Variants in ASTN1 observed in about 807,000 individuals in gnomAD.
The protein encoded by ASTN1 is astrotactin 1.
A neutral mutation model predicts 140.7 loss-of-function variants in ASTN1; 41 were observed. The observed-to-expected ratio is 0.29, with a 90% CI of 0.23 to 0.38. The LOEUF (loss-of-function observed/expected upper bound fraction) is 0.38. Ranked by LOEUF, ASTN1 falls within the 10% of genes least tolerant of loss-of-function variation. The probability of loss-of-function intolerance (pLI) is 1.00; values close to 1 mark genes in which losing one functional copy is unlikely to be tolerated. For missense variants in ASTN1, 1,479 were observed against 1,678.8 expected, an observed-to-expected ratio of 0.88 and a Z score of 2.08; for synonymous variants, 640 against 652.2, an observed-to-expected ratio of 0.98 and a Z score of 0.29.
chr1:176,893,170 G>A (rs546389230), intron 17 of ASTN1, among the ~76,000 whole-genome samples: 9 of 152,106 alleles, frequency 5.9e-5, no homozygotes, highest in Non-Finnish European at 1.0e-4. Flanking sequence ...AGCTCTGCAC[G>A]CCCTGTTGCA....
intron 1 of ASTN1, among the ~76,000 whole-genome samples, chr1:177,162,007 G>A (rs150730729): frequency 6.0e-4 from 92 of 152,174 alleles, no homozygotes; most frequent in African/African-American, 2.0e-3. Context: ...TCTGAGTGCT[G>A]AGCAGGTACA....
At chr1:176,859,005 A>C (rs1369055961), downstream of ASTN1, among the ~76,000 whole-genome samples, 1 of 152,246 alleles carries the variant, frequency 6.6e-6, no homozygotes, top group Non-Finnish European at 1.5e-5. Context: ...CAGACTTGCA[A>C]TGAAGATTGA....
At position 177,061,118 on chromosome 1, in the gene ASTN1, G is replaced by A. The variant is rs773311364; in HGVS notation, c.431C>T (p.Ser144Leu). ...GAGGATCCTCAGCTCCTCTTCTGCC[G>A]ACTCATGTTGGGGTTCTTCAGTGGG... is the stretch of plus-strand genomic sequence containing the variant. ...QDPTEEPQHE[S>L]AEEELRILHI... The change falls in exon 2 of 23, where the codon TCG (serine) becomes TTG (leucine). Residue 144 changes from serine (S) to leucine (L), a missense_variant. Around this residue, in one of 3 missense-constraint regions of ASTN1, gnomAD observed 729 missense variants for 860.4 expected, o/e 0.85. Transcript: ENST00000361833. 42 of 1,610,506 alleles carry A rather than the reference G, an allele frequency of 2.6e-5. No homozygotes were observed. The highest frequency in any genetic ancestry group is 1.9e-4 in the African/African-American group (14 of 74,784).
intron 8 of ASTN1, among the ~76,000 whole-genome samples, chr1:176,974,734 T>A (rs1454099129): frequency 6.6e-6 from 1 of 152,214 alleles, no homozygotes; most frequent in Admixed American, 6.5e-5. Flanking sequence ...CTGGTAATAG[T>A]GAACAAAATG....
chr1:176,991,718 A>G (rs1674186299), intron 8 of ASTN1, among the ~76,000 whole-genome samples: 2 of 152,208 alleles, frequency 1.3e-5, no homozygotes, highest in African/African-American at 4.8e-5. Flanking sequence ...ATTTTAGAAG[A>G]ATAGGTTTCA....
chr1:176,927,704 G>A (rs1009314741), intron 16 of ASTN1, among the ~76,000 whole-genome samples: 4 of 152,140 alleles, frequency 2.6e-5, no homozygotes, highest in Non-Finnish European at 5.9e-5. Context: ...TTAACAAGAC[G>A]TGGTCATATC....
intron 8 of ASTN1, among the ~76,000 whole-genome samples, chr1:176,982,840 G>A (rs184235066): frequency 2.0e-5 from 3 of 152,282 alleles, no homozygotes; most frequent in Non-Finnish European, 2.9e-5. Flanking sequence ...AAGACCTAGC[G>A]TGAGCCTTCA....
chr1:176,915,837 A>AC (rs1356339543), intron 16 of ASTN1, among the ~76,000 whole-genome samples: 1 of 152,184 alleles, frequency 6.6e-6, no homozygotes, highest in Non-Finnish European at 1.5e-5. Context: ...TGCAGTCACT[A>AC]CCATCATAGA....
intron 16 of ASTN1, among the ~76,000 whole-genome samples, chr1:176,919,358 C>T (rs947184965): frequency 2.6e-5 from 4 of 152,190 alleles, no homozygotes. Flanking sequence ...ATGATCTCTA[C>T]CAGCCTAAAG....
Position 176,969,104 on chromosome 1 carries a change from G to A in ASTN1, c.1524-3867C>T, listed in dbSNP as rs147895182. 2.0e-3 allele frequency among the ~76,000 whole-genome samples: 298 copies of A among 152,226 alleles called. 3 individuals carry two copies. The highest frequency in any genetic ancestry group is 6.7e-3 in the African/African-American group (280 of 41,530). On this transcript the variant is annotated intron_variant, in intron 8 of 22. Transcript: ENST00000361833. ...CTTGAGACCCACTGAAAGAGGAAAG[G>A]CCTCTGTATTTGGGCTTTTTGAGTG...
intron 16 of ASTN1, among the ~76,000 whole-genome samples, chr1:176,909,773 G>A (rs1670150942): frequency 6.6e-6 from 1 of 152,080 alleles, no homozygotes; most frequent in South Asian, 2.1e-4. Flanking sequence ...ACAGAGAAGA[G>A]AAAAAGCCTA....
At chr1:176,996,283 T>TCACA (rs1321343706) in intron 8 of ASTN1, among the ~76,000 whole-genome samples, 1 of 121,970 alleles carries the variant, frequency 8.2e-6, no homozygotes, top group Non-Finnish European at 1.9e-5. Context: ...TCTCTCTCTC[T>TCACA]CTCTCTCACA....
intron 9 of ASTN1, among the ~76,000 whole-genome samples, chr1:176,960,456 C>A (rs956947915): frequency 6.6e-6 from 1 of 152,194 alleles, no homozygotes; most frequent in African/African-American, 2.4e-5. Context: ...TTTTAGGAAG[C>A]CGTTGGCAGT....
At chr1:176,879,962 T>A (rs1470947427) in intron 20 of ASTN1, among the ~76,000 whole-genome samples, 1 of 152,160 alleles carries the variant, frequency 6.6e-6, no homozygotes, top group African/African-American at 2.4e-5. Flanking sequence ...TGTGCGGTCA[T>A]CTCAGAAAGG....
intron 1 of ASTN1, among the ~76,000 whole-genome samples, chr1:177,146,181 C>A (rs1374325117): frequency 6.6e-6 from 1 of 152,044 alleles, no homozygotes; most frequent in African/African-American, 2.4e-5. Flanking sequence ...TTTTTAAATA[C>A]TGGCTTAATA....
At chr1:177,046,723 T>C (rs1677245303) in intron 2 of ASTN1, among the ~76,000 whole-genome samples, 1 of 152,194 alleles carries the variant, frequency 6.6e-6, no homozygotes, top group South Asian at 2.1e-4. Context: ...TAGCCACTTC[T>C]GGTGTGTGTG....
At chr1:176,999,139 A>C (rs967048212) in intron 8 of ASTN1, among the ~76,000 whole-genome samples, 1 of 152,224 alleles carries the variant, frequency 6.6e-6, no homozygotes, top group Non-Finnish European at 1.5e-5. Context: ...AATGACATAA[A>C]ACTACATGGC....
chr1:176,943,894 T>G lies in ASTN1; in HGVS notation c.2374A>C (p.Thr792Pro). ...AAGGTTGAGAAGGCACACTCACCAG[T>G]CAGGAAGTCAGGGTCAGGGGTGGGC... The part of the protein sequence containing the change: ...SEPTPDPDFL[T>P]GMVNFSEVSG... Residue 792 changes from threonine (T) to proline (P), a missense_variant, in exon 14 of 23, where the codon ACT (threonine) becomes CCT (proline). By Grantham distance (38) the Thr-to-Pro change is conservative. This residue lies in a region of ASTN1 where 746 missense variants were observed against 800.9 expected (regional missense o/e 0.93). Coordinates refer to ENST00000361833, the MANE Select transcript of ASTN1 (RefSeq NM_004319.3). The G allele has an allele frequency of 6.2e-7, 1 of 1,603,832 alleles. No individual in the cohort carries two copies. The highest frequency in any genetic ancestry group is 8.5e-7 in the Non-Finnish European group (1 of 1,173,812).
At chr1:176,922,482 A>G (rs1242111890) in intron 16 of ASTN1, among the ~76,000 whole-genome samples, 1 of 147,304 alleles carries the variant, frequency 6.8e-6, no homozygotes, top group Non-Finnish European at 1.5e-5. Flanking sequence ...TCCTGAGGCC[A>G]GGAGTTTGAG....
Sources: allele counts gnomAD v4.1 joint callset (sites outside exome capture counted in the v4.1 genomes callset), GRCh38; gene constraint gnomAD v4.1.1; regional missense constraint gnomAD v4.1.1; transcripts MANE v1.5; gene names NCBI Gene and HGNC (gene_info 2026-07-23, HGNC 2026-07-21).